The following FAM171A1 variants were observed in gnomAD, a reference collection of about 807,000 sequenced individuals.
FAM171A1 encodes the protein family with sequence similarity 171 member A1.
Under a neutral mutation model 74.9 loss-of-function variants are expected in FAM171A1, and 23 were observed. The ratio of observed to expected loss-of-function variants is 0.31; its 90% CI spans 0.22 to 0.44. The LOEUF is 0.44. FAM171A1 is among the 20% of genes least tolerant of loss of function. The pLI, the probability that FAM171A1 is intolerant of heterozygous loss-of-function variation, is 1.00. For missense variants in FAM171A1, 1,162 were observed against 1,159.2 expected, an observed-to-expected ratio of 1.00 and a Z score of -0.03; for synonymous variants, 527 against 505.7, an observed-to-expected ratio of 1.04 and a Z score of -0.57.
chr10:15,327,596 A>C (rs1835571329), intron 1 of FAM171A1, among the ~76,000 whole-genome samples: 2 of 152,200 alleles, frequency 1.3e-5, no homozygotes, highest in Non-Finnish European at 2.9e-5. Context: ...GGCTGCAGTG[A>C]GCCGTGATTG....
At chr10:15,333,005 C>T (rs1835659042) in intron 1 of FAM171A1, among the ~76,000 whole-genome samples, 2 of 152,196 alleles carry the variant, frequency 1.3e-5, no homozygotes, top group Admixed American at 6.5e-5. Context: ...TAGTGCAACT[C>T]TTCCCTTTAC....
intron 1 of FAM171A1, among the ~76,000 whole-genome samples, chr10:15,357,779 C>T (rs934811602): frequency 3.9e-5 from 6 of 152,104 alleles, no homozygotes; most frequent in African/African-American, 1.4e-4. Flanking sequence ...AGTAATAAGG[C>T]AAGCATAATA....
intron 1 of FAM171A1, among the ~76,000 whole-genome samples, chr10:15,344,429 G>A (rs1835797336): frequency 6.6e-6 from 1 of 152,106 alleles, no homozygotes. Flanking sequence ...TAGAGTCCCA[G>A]TCCCAGCTAC....
intron 1 of FAM171A1, among the ~76,000 whole-genome samples, chr10:15,331,055 A>G (rs1052831765): frequency 3.9e-5 from 6 of 151,952 alleles, no homozygotes; most frequent in Non-Finnish European, 7.4e-5. Context: ...ACGCCTGGCT[A>G]ATTTTTGTAT....
At chr10:15,248,075 G>C (rs1359146115) in intron 5 of FAM171A1, among the ~76,000 whole-genome samples, 1 of 152,132 alleles carries the variant, frequency 6.6e-6, no homozygotes, top group African/African-American at 2.4e-5. Context: ...TGAGATACTG[G>C]AGCTCACTGT....
intron 1 of FAM171A1, among the ~76,000 whole-genome samples, chr10:15,298,275 C>G (rs1046973323): frequency 1.3e-5 from 2 of 152,146 alleles, no homozygotes; most frequent in African/African-American, 4.8e-5. Flanking sequence ...GCTGGGCTTC[C>G]AAGTACCTGC....
At chr10:15,256,214 A>T (rs1834578944) in intron 3 of FAM171A1, among the ~76,000 whole-genome samples, 1 of 151,956 alleles carries the variant, frequency 6.6e-6, no homozygotes, top group Non-Finnish European at 1.5e-5. Context: ...GTTCCTTTTA[A>T]CTCTGGATCA....
intron 3 of FAM171A1, among the ~76,000 whole-genome samples, chr10:15,263,090 G>A (rs959784897): frequency 1.6e-4 from 24 of 152,228 alleles, no homozygotes; most frequent in African/African-American, 4.1e-4. Context: ...GAGCCAAGCA[G>A]AGGATGGAGA....
At chr10:15,314,385 G>C (rs979458877) in intron 1 of FAM171A1, among the ~76,000 whole-genome samples, 1 of 152,136 alleles carries the variant, frequency 6.6e-6, no homozygotes, top group Non-Finnish European at 1.5e-5. Context: ...GTTTAACTTT[G>C]GCTGTTTTAT....
chr10:15,341,441 G>A (rs1320106532), intron 1 of FAM171A1, among the ~76,000 whole-genome samples: 2 of 152,134 alleles, frequency 1.3e-5, no homozygotes, highest in Admixed American at 6.5e-5. Context: ...TCTTTAAAAC[G>A]TTATTCGAGA....
At chr10:15,289,770 T>C (rs1835081116) in intron 1 of FAM171A1, among the ~76,000 whole-genome samples, 1 of 152,208 alleles carries the variant, frequency 6.6e-6, no homozygotes, top group South Asian at 2.1e-4. Context: ...TTGTATACAG[T>C]CCATGAAAAT....
intron 3 of FAM171A1, among the ~76,000 whole-genome samples, chr10:15,268,583 CA>C (rs1834779214): frequency 6.6e-6 from 1 of 152,038 alleles, no homozygotes; most frequent in African/African-American, 2.4e-5. Context: ...GCAGAGGCGT[CA>C]TCCAAGGCCC....
chr10:15,354,503 A>T (rs1835912113), intron 1 of FAM171A1, among the ~76,000 whole-genome samples: 1 of 151,816 alleles, frequency 6.6e-6, no homozygotes, highest in Non-Finnish European at 1.5e-5. Flanking sequence ...CTCAAAAAAA[A>T]GTGGTGGACG....
chr10:15,228,781 C>T (rs1834143200), intron 5 of FAM171A1, among the ~76,000 whole-genome samples: 1 of 152,172 alleles, frequency 6.6e-6, no homozygotes, highest in Non-Finnish European at 1.5e-5. Context: ...AAATGTGATA[C>T]CCAAGTCTGC....
At chr10:15,259,409 C>T (rs1317916715) in intron 3 of FAM171A1, among the ~76,000 whole-genome samples, 2 of 152,046 alleles carry the variant, frequency 1.3e-5, no homozygotes, top group Non-Finnish European at 2.9e-5. Flanking sequence ...GCCCAGAAAC[C>T]ATCAACGGAT....
chr10:15,266,320 C>T (rs773441591), intron 3 of FAM171A1, among the ~76,000 whole-genome samples: 3 of 152,294 alleles, frequency 2.0e-5, no homozygotes, highest in South Asian at 4.1e-4. Context: ...AAGCTGGGTG[C>T]CCACTCCAGA....
At chr10:15,332,108 A>G (rs940392050) in intron 1 of FAM171A1, among the ~76,000 whole-genome samples, 6 of 151,442 alleles carry the variant, frequency 4.0e-5, no homozygotes, top group African/African-American at 9.7e-5. Context: ...GGGCACCACC[A>G]TGCCCAGCTA....
In FAM171A1 at chr10:15,248,281, G is replaced by GA. The variant is rs1237455552; in HGVS notation, c.754+357dup. The stretch of plus-strand genomic sequence containing the variant: ...AATGTTTGTCCTTTTTCAGAAAACA[G>GA]AAAAAAAAAATACCACACATGACCA... On this transcript the variant is annotated intron_variant, in intron 5 of 7. Transcript: ENST00000378116. 6.3e-4 allele frequency among the ~76,000 whole-genome samples: 94 copies of GA among 148,266 alleles called. 1 individual carries two copies. Among genetic ancestry groups the GA allele is most frequent in the Admixed American group, 1.5e-3 (22 of 14,878 alleles).
chr10:15,347,399 C>G (rs376206868), intron 1 of FAM171A1, among the ~76,000 whole-genome samples: 6 of 152,226 alleles, frequency 3.9e-5, no homozygotes, highest in African/African-American at 1.4e-4. Context: ...TGGAGGTGAC[C>G]TAAAAGCAGA....
Sources: allele counts gnomAD v4.1 joint callset (sites outside exome capture counted in the v4.1 genomes callset), GRCh38; gene constraint gnomAD v4.1.1; transcripts MANE v1.5; gene names NCBI Gene and HGNC (gene_info 2026-07-23, HGNC 2026-07-21).